Variants in ZC3H13 observed in about 807,000 individuals in gnomAD.
ZC3H13 encodes zinc finger CCCH-type containing 13.
Under a neutral mutation model 204.1 loss-of-function variants are expected in ZC3H13, and 64 were observed. The observed-to-expected ratio is 0.31, with a 90% CI of 0.26 to 0.39. ZC3H13 has a LOEUF of 0.39. Among genes scored for constraint, ZC3H13 ranks in the 10% least tolerant of loss-of-function variants. ZC3H13 has a pLI of 1.00. For synonymous variants in ZC3H13, 667 were observed against 693.7 expected (o/e 0.96, Z 0.60); for missense variants, 1,833 against 2,082.7 (o/e 0.88, Z 2.33).
intron 16 of ZC3H13, 145 bp from the exon 17 acceptor site, chr13:45,964,187 C>T (rs938870028): frequency 2.8e-6 from 2 of 721,034 alleles, no homozygotes; most frequent in Admixed American, 6.6e-5. Context: ...AAAATAAAAG[C>T]CTTCCCATAT....
chr13:46,004,464 C>T (rs1000092028), intron 7 of ZC3H13, among the ~76,000 whole-genome samples: 12 of 151,988 alleles, frequency 7.9e-5, no homozygotes, highest in African/African-American at 2.7e-4. Flanking sequence ...CACTTGAACC[C>T]GGAAGAAAGA....
rs183401638 is a variant in ZC3H13 at position 45,983,717 on chromosome 13, G to A, written c.1720+1580C>T. ...GCTGGGATTACAGGCGTGAGCCACCGCGCCCGGCCCCTTCTACTTATATTT... is the reference window on the plus strand; with the variant it reads ...GCTGGGATTACAGGCGTGAGCCACCACGCCCGGCCCCTTCTACTTATATTT... On this transcript the variant is annotated intron_variant, in intron 10 of 18. Coordinates refer to ENST00000679008, the MANE Select transcript of ZC3H13 (RefSeq NM_001330564.2). 1.8e-3 allele frequency among the ~76,000 whole-genome samples: 279 copies of A among 151,642 alleles called. 2 individuals carry two copies. In the Middle Eastern group the frequency reaches 0.024, roughly 13 times the overall value.
chr13:45,969,686 T>C lies in ZC3H13; in HGVS notation c.2858A>G (p.His953Arg). Reference sequence around the variant, plus strand: ...TTTTGCTTTCTTCTTGTTTTCATCATGAGCTCGATCAGATGTCTCTCGATC... The same window carrying C: ...TTTTGCTTTCTTCTTGTTTTCATCACGAGCTCGATCAGATGTCTCTCGATC... ...SEDRETSDRA[H>R]DENKKKAKIQ... The change falls in exon 14 of 19, where the codon CAT (histidine) becomes CGT (arginine). Residue 953 changes from histidine to arginine, a missense_variant. Transcript: ENST00000679008. The C allele has an allele frequency of 1.2e-6, 2 of 1,612,192 alleles. No homozygotes were observed. Among genetic ancestry groups the C allele is most frequent in the African/African-American group, 1.3e-5 (1 of 74,820 alleles).
chr13:46,003,240 T>C lies in ZC3H13; in HGVS notation c.843A>G (p.Lys281=). ...TCCTGTCTTTTACTTTATATTTTTC[T>C]TTGTATTTTTTCCCCAGAGCGATAT... is the stretch of plus-strand genomic sequence containing the variant. The part of the protein sequence containing the change: ...PEDIALGKKY[K]EKYKVKDRIE... Residue 281 remains lysine (K), a synonymous_variant, in exon 8 of 19, where the codon AAA becomes AAG. Transcript: ENST00000679008. The C allele has an allele frequency of 1.2e-6, 2 of 1,613,404 alleles. No homozygotes were observed. The highest frequency in any genetic ancestry group is 1.7e-6 in the Non-Finnish European group (2 of 1,179,816).
intron 8 of ZC3H13, among the ~76,000 whole-genome samples, chr13:45,989,871 A>C (rs755516787): frequency 3.3e-5 from 5 of 152,220 alleles, no homozygotes; most frequent in Non-Finnish European, 5.9e-5. Context: ...AATAACTAAG[A>C]AGCAGCAGGA....
At position 45,969,690 on chromosome 13, in the gene ZC3H13, C is replaced by A; in HGVS notation, c.2854G>T (p.Ala952Ser). The A allele has an allele frequency of 6.2e-7, 1 of 1,612,848 alleles. No individual in the cohort carries two copies. Among genetic ancestry groups the A allele is most frequent in the Non-Finnish European group, 8.5e-7 (1 of 1,179,826 alleles). ...GCTTTCTTCTTGTTTTCATCATGAG[C>A]TCGATCAGATGTCTCTCGATCTTCA... ...QSEDRETSDR[A>S]HDENKKKAKI... is the part of the protein sequence containing the mutation. Residue 952 changes from alanine (A) to serine (S), a missense_variant, in exon 14 of 19, where the codon GCT (alanine) becomes TCT (serine). By Grantham distance (99) the Ala-to-Ser change is moderately conservative (BLOSUM62 1). Coordinates refer to ENST00000679008, the MANE Select transcript of ZC3H13 (RefSeq NM_001330564.2).
intron 4 of ZC3H13, among the ~76,000 whole-genome samples, chr13:46,038,738 T>C (rs1259020682): frequency 6.6e-6 from 1 of 152,132 alleles, no homozygotes; most frequent in Non-Finnish European, 1.5e-5. Context: ...CTAAAAATAA[T>C]TAATACCTTG....
At chr13:46,006,919 T>A (rs2041199053) in intron 7 of ZC3H13, among the ~76,000 whole-genome samples, 3 of 151,632 alleles carry the variant, frequency 2.0e-5, no homozygotes, top group Non-Finnish European at 4.4e-5. Flanking sequence ...TGCCAACAAC[T>A]ATATTAGCCA....
At chr13:46,017,047 A>G (rs1227305791) in intron 5 of ZC3H13, among the ~76,000 whole-genome samples, 1 of 152,122 alleles carries the variant, frequency 6.6e-6, no homozygotes, top group Non-Finnish European at 1.5e-5. Flanking sequence ...CATAACTCAG[A>G]TGGAGATGCC....
At chr13:46,051,519 A>G (rs180999964) in intron 1 of ZC3H13, among the ~76,000 whole-genome samples, 1 of 152,336 alleles carries the variant, frequency 6.6e-6, no homozygotes, top group Non-Finnish European at 1.5e-5. Flanking sequence ...TAAAGCCAGT[A>G]ATTTCAAATG....
At chr13:46,027,978 C>T (rs75566267) in intron 4 of ZC3H13, among the ~76,000 whole-genome samples, 2,259 of 152,230 alleles carry the variant, frequency 0.015, 19 homozygotes, top group South Asian at 0.053. Flanking sequence ...AATTCAACTA[C>T]ATCAACAATT....
intron 8 of ZC3H13, among the ~76,000 whole-genome samples, chr13:46,002,847 C>T (rs1053392269): frequency 6.6e-6 from 1 of 151,996 alleles, no homozygotes; most frequent in African/African-American, 2.4e-5. Context: ...AATTGTTTCA[C>T]AAGTGTGAAA....
intron 4 of ZC3H13, among the ~76,000 whole-genome samples, chr13:46,029,467 C>T (rs1336206479): frequency 1.1e-4 from 16 of 140,890 alleles, no homozygotes; most frequent in Non-Finnish European, 2.0e-4. Context: ...CTCGCTCTGT[C>T]GCCCAGGCTG....
intron 8 of ZC3H13, among the ~76,000 whole-genome samples, chr13:46,002,558 C>CA (rs2040826493): frequency 6.6e-6 from 1 of 152,072 alleles, no homozygotes; most frequent in Non-Finnish European, 1.5e-5. Flanking sequence ...TAAAATGTGG[C>CA]ATATACATAC....
intron 7 of ZC3H13, among the ~76,000 whole-genome samples, chr13:46,005,604 C>T (rs1028057247): frequency 6.6e-6 from 1 of 152,120 alleles, no homozygotes; most frequent in South Asian, 2.1e-4. Context: ...ATCCCCATGC[C>T]TCAGCCCTCT....
chr13:46,026,114 A>ATTATACTAAAGAAAACTGTAG, intron 4 of ZC3H13, among the ~76,000 whole-genome samples: 1 of 152,222 alleles, frequency 6.6e-6, no homozygotes, highest in Admixed American at 6.5e-5. Context: ...ACTGTAGTTT[A>ATTATACTAAAGAAAACTGTAG]TTTTGTTTAT....
At chr13:46,004,177 G>C (rs1346782412) in intron 7 of ZC3H13, among the ~76,000 whole-genome samples, 1 of 151,732 alleles carries the variant, frequency 6.6e-6, no homozygotes, top group Non-Finnish European at 1.5e-5. Flanking sequence ...ACATTCATGG[G>C]ATATCCTATT....
chr13:46,013,096 G>T (rs111721625), intron 5 of ZC3H13, among the ~76,000 whole-genome samples: 1 of 152,102 alleles, frequency 6.6e-6, no homozygotes, highest in Non-Finnish European at 1.5e-5. Context: ...TCCAACCAAG[G>T]GGGAGAGGCC....
chr13:45,963,088 T>C (rs1593447116), intron 17 of ZC3H13: 4 of 981,728 alleles, frequency 4.1e-6, no homozygotes, highest in Admixed American at 6.1e-5. Flanking sequence ...GTGTTTTGCC[T>C]GTAATAACTC....
Sources: allele counts gnomAD v4.1 joint callset (sites outside exome capture counted in the v4.1 genomes callset), GRCh38; gene constraint gnomAD v4.1.1; transcripts MANE v1.5; gene names NCBI Gene and HGNC (gene_info 2026-07-23, HGNC 2026-07-21).